The following EPHA6 variants were observed in gnomAD, a reference collection of about 807,000 sequenced individuals.
The protein encoded by EPHA6 is EPH receptor A6.
In EPHA6, 50 loss-of-function variants were observed where a neutral mutation model predicts 112.0. The ratio of observed to expected loss-of-function variants is 0.45; its 90% CI spans 0.36 to 0.56. The LOEUF (loss-of-function observed/expected upper bound fraction) is 0.56. Ranked by LOEUF, EPHA6 falls within the 20% of genes least tolerant of loss-of-function variation. The probability of loss-of-function intolerance (pLI) is 0.00; values close to 1 mark genes in which losing one functional copy is unlikely to be tolerated. For missense variants in EPHA6, 1,280 were observed against 1,417.4 expected, an observed-to-expected ratio of 0.90 and a Z score of 1.56; for synonymous variants, 529 against 490.7, an observed-to-expected ratio of 1.08 and a Z score of -1.03.
At chr3:97,611,836 C>A (rs1220938851) in intron 13 of EPHA6, among the ~76,000 whole-genome samples, 1 of 151,672 alleles carries the variant, frequency 6.6e-6, no homozygotes, top group African/African-American at 2.4e-5. Flanking sequence ...TGAATAAGTT[C>A]TGTTTGCATC....
chr3:97,433,161 T>C (rs1314473842), intron 6 of EPHA6, among the ~76,000 whole-genome samples: 3 of 152,168 alleles, frequency 2.0e-5, no homozygotes, highest in African/African-American at 7.2e-5. Flanking sequence ...CTCTACAATT[T>C]GCCTGTTCTC....
intron 14 of EPHA6, among the ~76,000 whole-genome samples, chr3:97,668,403 G>A (rs1180677948): frequency 6.6e-6 from 1 of 152,138 alleles, no homozygotes; most frequent in Non-Finnish European, 1.5e-5. Context: ...TGTCCAAGAT[G>A]TCAGAAATCC....
intron 5 of EPHA6, among the ~76,000 whole-genome samples, chr3:97,285,815 T>C (rs1413729384): frequency 6.6e-6 from 1 of 152,142 alleles, no homozygotes; most frequent in East Asian, 1.9e-4. Flanking sequence ...ATCTTTATAC[T>C]GTTTTCCATA....
At chr3:97,214,036 T>A (rs201392997) in intron 3 of EPHA6, among the ~76,000 whole-genome samples, 3,181 of 130,758 alleles carry the variant, frequency 0.024, 125 homozygotes, top group African/African-American at 0.098. Flanking sequence ...TGTGTGTGTG[T>A]GTGAGAGAGA....
At chr3:97,006,400 G>A (rs1044721518) in intron 3 of EPHA6, among the ~76,000 whole-genome samples, 1 of 152,170 alleles carries the variant, frequency 6.6e-6, no homozygotes, top group African/African-American at 2.4e-5. Flanking sequence ...GCATAGAGAT[G>A]TTTATAGTAT....
chr3:97,327,997 G>A (rs1258473834), intron 5 of EPHA6, among the ~76,000 whole-genome samples: 1 of 122,422 alleles, frequency 8.2e-6, no homozygotes, highest in Non-Finnish European at 1.5e-5. Flanking sequence ...ATGTATATGT[G>A]TATGTATATG....
At chr3:97,234,741 G>A (rs2078632110) in intron 4 of EPHA6, among the ~76,000 whole-genome samples, 1 of 151,616 alleles carries the variant, frequency 6.6e-6, no homozygotes, top group Admixed American at 6.6e-5. Flanking sequence ...TCTTTTTATT[G>A]CCCTTTTATC....
intron 5 of EPHA6, among the ~76,000 whole-genome samples, chr3:97,323,026 GGACCCCTTAGGGTA>G (rs2082192984): frequency 6.6e-6 from 1 of 151,946 alleles, no homozygotes; most frequent in Admixed American, 6.6e-5. Flanking sequence ...AAAGAAAATT[GGACCCCTTAGGGTA>G]TCCTCTTCCC....
intron 3 of EPHA6, among the ~76,000 whole-genome samples, chr3:97,211,005 A>T (rs1016929860): frequency 1.3e-5 from 2 of 152,202 alleles, no homozygotes; most frequent in Admixed American, 6.5e-5. Context: ...TCCTCCTGCC[A>T]CATGGGTAGT....
At chr3:96,999,523 G>A (rs1380094491) in intron 3 of EPHA6, among the ~76,000 whole-genome samples, 1 of 151,710 alleles carries the variant, frequency 6.6e-6, no homozygotes, top group African/African-American at 2.4e-5. Flanking sequence ...TACCAACAAT[G>A]ACTACAGTAT....
intron 15 of EPHA6, among the ~76,000 whole-genome samples, chr3:97,730,611 C>T (rs1473529921): frequency 6.6e-6 from 1 of 152,070 alleles, no homozygotes; most frequent in Non-Finnish European, 1.5e-5. Flanking sequence ...GTCCTTTAGA[C>T]AAAGCACCCC....
chr3:97,061,003 C>T (rs113471473), intron 3 of EPHA6, among the ~76,000 whole-genome samples: 1,957 of 146,224 alleles, frequency 0.013, 42 homozygotes, highest in African/African-American at 0.046. Context: ...GGATAAAAAG[C>T]TTAGCATAGA....
At chr3:96,967,682 T>TTG (rs149291564) in intron 2 of EPHA6, among the ~76,000 whole-genome samples, 4,994 of 149,336 alleles carry the variant, frequency 0.033, 231 homozygotes, top group African/African-American at 0.1. Context: ...TGAGTAACAG[T>TTG]TGTGTGTGTG....
At chr3:97,215,691 T>TA (rs1340779128) in intron 3 of EPHA6, among the ~76,000 whole-genome samples, 1 of 152,174 alleles carries the variant, frequency 6.6e-6, no homozygotes, top group Non-Finnish European at 1.5e-5. Context: ...ATGTCTTCTC[T>TA]AAAAATTGAC....
intron 7 of EPHA6, among the ~76,000 whole-genome samples, chr3:97,465,610 G>T (rs992387178): frequency 6.6e-6 from 1 of 152,070 alleles, no homozygotes; most frequent in Non-Finnish European, 1.5e-5. Flanking sequence ...TGATCCAAAA[G>T]CTTCCCTTAG....
Position 97,079,576 on chromosome 3 carries a change from G to T in EPHA6, c.1114+91583G>T, listed in dbSNP as rs187990383. ...ACAAGTTTACCTGTTTAACAATCGT[G>T]CACATGTACCCCTGAATTTAAATTA... On this transcript the variant is annotated intron_variant, in intron 3 of 17. Coordinates refer to ENST00000389672, the MANE Select transcript of EPHA6 (RefSeq NM_001080448.3). Among the ~76,000 whole-genome samples, 31 of 146,542 alleles carry T rather than the reference G, an allele frequency of 2.1e-4. No individual in the cohort carries two copies. The East Asian group carries it at 5.6e-3, about 27-fold the overall frequency.
chr3:97,396,124 T>C (rs1348830464), intron 5 of EPHA6, among the ~76,000 whole-genome samples: 1 of 151,616 alleles, frequency 6.6e-6, no homozygotes, highest in Non-Finnish European at 1.5e-5. Flanking sequence ...GGAAAAAATA[T>C]ATTAAATGGC....
chr3:97,466,337 T>A lies in EPHA6; in HGVS notation c.1895-9015T>A, dbSNP rs1560039127. The A allele has an allele frequency of 1.2e-5, 19 of 1,599,914 alleles. No individual in the cohort carries two copies. In the South Asian group the frequency reaches 2.1e-4, roughly 18 times the overall value. ...GAAGTAACTATACCTAGTTTGGATA[T>A]ATAAAGTCCTGCATCGCCCTGCCCC... On this transcript the variant is annotated intron_variant, in intron 7 of 17. Transcript: ENST00000389672.
intron 3 of EPHA6, among the ~76,000 whole-genome samples, chr3:97,014,438 T>G (rs2044199202): frequency 6.7e-6 from 1 of 149,586 alleles, no homozygotes; most frequent in Non-Finnish European, 1.5e-5. Flanking sequence ...ACCTTCCTTC[T>G]TCCTTTCCTT....
Sources: gnomAD v4.1 joint callset for allele counts (sites outside exome capture counted in the v4.1 genomes callset) on GRCh38, gnomAD v4.1.1 for gene constraint, MANE v1.5 for transcripts, NCBI Gene and HGNC (gene_info 2026-07-23, HGNC 2026-07-21) for gene names.